Variants in AGBL4 observed in about 807,000 individuals in gnomAD.
AGBL4 encodes cytosolic carboxypeptidase 6.
Under a neutral mutation model 66.4 loss-of-function variants are expected in AGBL4, and 58 were observed. The observed-to-expected ratio is 0.87, with a 90% CI of 0.71 to 1.09. AGBL4 has a LOEUF of 1.09. AGBL4 is among the 50% of genes least tolerant of loss of function. The pLI is 0.00. For missense variants in AGBL4, 579 were observed against 631.0 expected, an observed-to-expected ratio of 0.92 and a Z score of 0.88; for synonymous variants, 234 against 222.9, an observed-to-expected ratio of 1.05 and a Z score of -0.44.
At chr1:48,648,894 A>G (rs1419203461) in intron 8 of AGBL4, among the ~76,000 whole-genome samples, 1 of 152,218 alleles carries the variant, frequency 6.6e-6, no homozygotes, top group Non-Finnish European at 1.5e-5. Flanking sequence ...CCAGGAGGCC[A>G]TGCAGATGAA....
chr1:49,793,015 A>G (rs907440216), intron 2 of AGBL4, among the ~76,000 whole-genome samples: 3 of 152,068 alleles, frequency 2.0e-5, no homozygotes, highest in Non-Finnish European at 2.9e-5. Flanking sequence ...TGAAAACACA[A>G]AATCATTATT....
chr1:48,824,042 A>G (rs1646373092), intron 6 of AGBL4, among the ~76,000 whole-genome samples: 1 of 152,062 alleles, frequency 6.6e-6, no homozygotes, highest in African/African-American at 2.4e-5. Context: ...TGTCAATAAG[A>G]CTGTGAGCCC....
chr1:48,559,626 T>C (rs548960970), intron 11 of AGBL4, among the ~76,000 whole-genome samples: 3 of 152,316 alleles, frequency 2.0e-5, no homozygotes, highest in Non-Finnish European at 1.5e-5. Flanking sequence ...AGGAACTCTA[T>C]ACCTTCTAGT....
At chr1:49,214,839 G>C (rs1050556575) in intron 4 of AGBL4, among the ~76,000 whole-genome samples, 1 of 152,104 alleles carries the variant, frequency 6.6e-6, no homozygotes. Flanking sequence ...GATAAAGGGA[G>C]TATCAAGTAT....
At chr1:49,819,186 G>A (rs1645304748) in intron 2 of AGBL4, among the ~76,000 whole-genome samples, 1 of 152,030 alleles carries the variant, frequency 6.6e-6, no homozygotes, top group South Asian at 2.1e-4. Context: ...TTCACCTTTT[G>A]ACCCCCTGAA....
At chr1:49,293,003 C>T (rs1299104065) in intron 3 of AGBL4, among the ~76,000 whole-genome samples, 1 of 152,254 alleles carries the variant, frequency 6.6e-6, no homozygotes, top group Non-Finnish European at 1.5e-5. Flanking sequence ...GAGAAAAGAG[C>T]TGCGGCCCTT....
intron 5 of AGBL4, among the ~76,000 whole-genome samples, chr1:48,988,944 C>T (rs1357246744): frequency 1.3e-5 from 2 of 152,056 alleles, no homozygotes; most frequent in African/African-American, 4.8e-5. Flanking sequence ...ATTCATTCCT[C>T]TGACAAAAAA....
At chr1:48,713,408 G>A (rs1646997958) in intron 6 of AGBL4, among the ~76,000 whole-genome samples, 1 of 152,198 alleles carries the variant, frequency 6.6e-6, no homozygotes, top group Admixed American at 6.5e-5. Context: ...AAGCAGCTGA[G>A]GTTGCGGAGT....
intron 2 of AGBL4, among the ~76,000 whole-genome samples, chr1:49,812,269 C>A (rs1645118049): frequency 6.6e-6 from 1 of 152,172 alleles, no homozygotes; most frequent in Non-Finnish European, 1.5e-5. Flanking sequence ...TTGTTAAACT[C>A]CAATTGTTTG....
At chr1:49,166,672 T>A (rs1158583010) in intron 4 of AGBL4, among the ~76,000 whole-genome samples, 1 of 152,156 alleles carries the variant, frequency 6.6e-6, no homozygotes, top group East Asian at 1.9e-4. Context: ...CTTTACATCC[T>A]TATACCTCCT....
At chr1:49,697,847 T>C (rs1350025012) in intron 2 of AGBL4, among the ~76,000 whole-genome samples, 7 of 152,196 alleles carry the variant, frequency 4.6e-5, no homozygotes, top group South Asian at 2.1e-4. Context: ...CTGTAATACA[T>C]TGGATCTTGT....
intron 1 of AGBL4, among the ~76,000 whole-genome samples, chr1:49,888,289 C>T (rs1256108204): frequency 2.6e-5 from 4 of 152,136 alleles, no homozygotes; most frequent in African/African-American, 4.8e-5. Context: ...ATAACATTAA[C>T]AGAAGTTAGT....
chr1:49,714,392 C>A lies in AGBL4; in HGVS notation c.158-16955G>T, dbSNP rs1647915193. The stretch of plus-strand genomic sequence containing the variant: ...TTATAATTCTCCAATATCTATTATC[C>A]TATACATTGGAGAATGTCCATGTAT... On this transcript the variant is annotated intron_variant, in intron 2 of 13. Coordinates refer to ENST00000371839, the MANE Select transcript of AGBL4 (RefSeq NM_032785.4). Among the ~76,000 whole-genome samples, 2 of 151,906 alleles carry A rather than the reference C, an allele frequency of 1.3e-5. 1 individual carries two copies.
chr1:48,620,143 T>C (rs1046675695), intron 9 of AGBL4, among the ~76,000 whole-genome samples: 3 of 152,198 alleles, frequency 2.0e-5, no homozygotes, highest in Non-Finnish European at 2.9e-5. Flanking sequence ...GGAACTGGGC[T>C]GATTGTAACC....
chr1:48,567,692 G>A (rs1339991139), intron 11 of AGBL4, among the ~76,000 whole-genome samples: 2 of 152,200 alleles, frequency 1.3e-5, no homozygotes, highest in East Asian at 3.8e-4. Flanking sequence ...CCTGTTGGGG[G>A]CCTGAAGAAA....
chr1:49,184,777 G>A (rs1394991841), intron 4 of AGBL4, among the ~76,000 whole-genome samples: 2 of 152,166 alleles, frequency 1.3e-5, no homozygotes, highest in African/African-American at 4.8e-5. Flanking sequence ...AGGCACAAGA[G>A]GCTCTGCCAA....
intron 3 of AGBL4, among the ~76,000 whole-genome samples, chr1:49,484,370 G>T (rs1647019067): frequency 2.0e-5 from 3 of 152,010 alleles, no homozygotes; most frequent in Admixed American, 2.0e-4. Flanking sequence ...ACAGAAAAAT[G>T]GATAAAGAAA....
chr1:48,680,648 C>T lies in AGBL4; in HGVS notation c.635-17407G>A, dbSNP rs17104644. Among the ~76,000 whole-genome samples, 1,308 of 152,300 alleles carry T rather than the reference C, an allele frequency of 8.6e-3. 19 individuals are homozygous for T. Among genetic ancestry groups the T allele is most frequent in the African/African-American group, 0.029 (1,206 of 41,542 alleles). Reference sequence around the variant, plus strand: ...GGCAAGGCCGAAGAAGAATTCCCTCCGTGACTAAGTGCTGATATTTAACTC... The same window carrying T: ...GGCAAGGCCGAAGAAGAATTCCCTCTGTGACTAAGTGCTGATATTTAACTC... On this transcript the variant is annotated intron_variant, in intron 6 of 13. Transcript: ENST00000371839.
chr1:49,134,061 T>C (rs1041630936), intron 4 of AGBL4, among the ~76,000 whole-genome samples: 3 of 151,942 alleles, frequency 2.0e-5, no homozygotes, highest in Non-Finnish European at 2.9e-5. Flanking sequence ...TAAAGCTGGA[T>C]GTCTGGGGGA....
Sources: gnomAD v4.1 joint callset for allele counts (sites outside exome capture counted in the v4.1 genomes callset) on GRCh38, gnomAD v4.1.1 for gene constraint, MANE v1.5 for transcripts, NCBI Gene and HGNC (gene_info 2026-07-23, HGNC 2026-07-21) for gene names.